Variants in TIMM8B observed in about 807,000 individuals in gnomAD.
The protein encoded by TIMM8B is translocase of inner mitochondrial membrane 8 homolog B.
In TIMM8B, 5 loss-of-function variants were observed where a neutral mutation model predicts 8.5. The ratio of observed to expected loss-of-function variants is 0.59; its 90% CI spans 0.31 to 1.24. The LOEUF (loss-of-function observed/expected upper bound fraction) is 1.24. Ranked by LOEUF, TIMM8B falls within the 50% of genes most tolerant of loss-of-function variation. The pLI, the probability that TIMM8B is intolerant of heterozygous loss-of-function variation, is 0.07. For missense variants in TIMM8B, 104 were observed against 109.2 expected (o/e 0.95, Z 0.21); for synonymous variants, 44 against 39.9 (o/e 1.10, Z -0.39).
intron 1 of TIMM8B, among the ~76,000 whole-genome samples, chr11:112,085,755 CATTTT>C (rs1228692452): frequency 1.3e-5 from 2 of 151,132 alleles, no homozygotes; most frequent in African/African-American, 4.9e-5. Context: ...CTATTGCACT[CATTTT>C]ATTCCAAACC....
At chr11:112,086,427 C>G (rs1269878029) in intron 1 of TIMM8B, 1 of 819,714 alleles carries the variant, frequency 1.2e-6, no homozygotes, top group African/African-American at 1.7e-5. Flanking sequence ...TGTTTTACAC[C>G]TTTTCTTTTC....
chr11:112,086,322 AGAGG>A, intron 1 of TIMM8B: 2 of 550,320 alleles, frequency 3.6e-6, no homozygotes, highest in Non-Finnish European at 6.9e-6. Flanking sequence ...TGCAAGGAGC[AGAGG>A]GAGGATGAGA....
rs759304721 is a variant in TIMM8B, at chr11:112,085,410, T to C, written c.137A>G (p.Asn46Ser). Residue 46 changes from asparagine to serine, a missense_variant, in exon 2 of 2, where the codon AAT (asparagine) becomes AGT (serine). Physicochemically the swap from Asn to Ser is conservative, Grantham distance 46. Coordinates refer to ENST00000504148, the MANE Select transcript of TIMM8B (RefSeq NM_012459.4). ...ATTTTCAGTGCGAGAGTCTAGGCGA[T>C]TCCCTGGCTTCTCCACACATTTATC... is the stretch of plus-strand genomic sequence containing the variant. The part of the protein sequence containing the change: ...CWDKCVEKPG[N>S]RLDSRTENCL... 1.2e-6 allele frequency: 2 copies of C among 1,614,096 alleles called. No homozygotes were observed. Among genetic ancestry groups the C allele is most frequent in the South Asian group, 1.1e-5 (1 of 91,076 alleles).
chr11:112,086,744 C>T lies in TIMM8B; in HGVS notation c.-21G>A, dbSNP rs1476307959. 2.5e-6 allele frequency: 4 copies of T among 1,601,274 alleles called. No homozygotes were observed. Among genetic ancestry groups the T allele is most frequent in the South Asian group, 1.1e-5 (1 of 89,576 alleles). ...GCCATTGTTCGCCTCAGGCTCGCCA[C>T]CTTCCGACAGCTGTGTTTGCGCATG... On this transcript the variant is annotated 5_prime_UTR_variant, in exon 1 of 2. The change creates a new upstream start codon in the 5' untranslated region. Coordinates refer to ENST00000504148, the MANE Select transcript of TIMM8B (RefSeq NM_012459.4).
At position 112,086,155 on chromosome 11, in the gene TIMM8B, C is replaced by A. The variant is rs537343000; in HGVS notation, c.84+485G>T. On this transcript the variant is annotated intron_variant, in intron 1 of 1. Coordinates refer to ENST00000504148, the MANE Select transcript of TIMM8B (RefSeq NM_012459.4). ...CAAACCCTTGTTCTACATCCATAGT[C>A]TACAGCGACTACTTCAGAGTCCACC... The A allele has an allele frequency of 6.1e-5, 44 of 718,788 alleles. No individual in the cohort carries two copies. In the African/African-American group the frequency reaches 6.9e-4, roughly 11 times the overall value. The allele number at this position is 718,788 out of a possible 1,614,324, so 44.5% of individuals were successfully genotyped here. A position where few individuals can be genotyped will look rare whatever the true frequency, so the allele number is the denominator to read the frequency against.
intron 1 of TIMM8B, among the ~76,000 whole-genome samples, chr11:112,085,712 G>C (rs955628386): frequency 6.6e-6 from 1 of 152,160 alleles, no homozygotes; most frequent in Non-Finnish European, 1.5e-5. Flanking sequence ...GCACCATTGT[G>C]AACCAACTAG....
chr11:112,086,187 C>T (rs1379787979), intron 1 of TIMM8B: 1 of 545,052 alleles, frequency 1.8e-6, no homozygotes, highest in African/African-American at 1.9e-5. Context: ...CACCTTCCTC[C>T]GATAATGTTC....
At chr11:112,086,507 G>T in intron 1 of TIMM8B, 133 bp downstream of exon 1, 1 of 1,344,348 alleles carries the variant, frequency 7.4e-7, no homozygotes, top group Non-Finnish European at 1.0e-6. Flanking sequence ...CCATAACTTT[G>T]TCTTTCGTGA....
chr11:112,085,369 C>T lies in TIMM8B; in HGVS notation c.178G>A (p.Val60Ile). The change falls in exon 2 of 2, where the codon GTA (valine) becomes ATA (isoleucine). Residue 60 changes from valine (V) to isoleucine (I), a missense_variant. Physicochemically the swap from Val to Ile is conservative, Grantham distance 29 (BLOSUM62 3). Transcript: ENST00000504148. ...SRTENCLSSC[V>I]DRFIDTTLAI... ...AGAGTGGTGTCAATGAAGCGGTCTA[C>T]ACAGCTGGAGAGACAATTTTCAGTG... 5 of 1,613,840 alleles carry T rather than the reference C, an allele frequency of 3.1e-6. No homozygotes were observed. The highest frequency in any genetic ancestry group is 4.2e-6 in the Non-Finnish European group (5 of 1,180,024).
At chr11:112,085,586 GCTCTT>G (rs1407482825) in intron 1 of TIMM8B, 124 bp from the exon 2 acceptor site, 2 of 755,266 alleles carry the variant, frequency 2.6e-6, no homozygotes, top group Non-Finnish European at 4.1e-6. Context: ...GTCACTTTGG[GCTCTT>G]CTCTTTCTTC....
intron 1 of TIMM8B, chr11:112,086,189 A>T: frequency 1.8e-6 from 1 of 543,946 alleles, no homozygotes; most frequent in South Asian, 1.5e-5. Context: ...CCTTCCTCCG[A>T]TAATGTTCTA....
chr11:112,085,462 C>G lies in TIMM8B; in HGVS notation c.85G>C (p.Val29Leu). The change falls in exon 2 of 2, where the codon GTG becomes CTG. Residue 29 changes from valine to leucine, a missense_variant and splice_region_variant. Coordinates refer to ENST00000504148, the MANE Select transcript of TIMM8B (RefSeq NM_012459.4). ...CAACATAACTCCATGAAGTGATGCACCTAAAAGGAAAGAAAAATAGTAACC... is the reference window on the plus strand; with the variant it reads ...CAACATAACTCCATGAAGTGATGCAGCTAAAAGGAAAGAAAAATAGTAACC... Reference protein sequence around the residue: ...EQQKAQFTAQVHHFMELCWDK... With the variant: ...EQQKAQFTAQLHHFMELCWDK... 3 of 1,610,880 alleles carry G rather than the reference C, an allele frequency of 1.9e-6. No individual in the cohort carries two copies. The highest frequency in any genetic ancestry group is 2.5e-6 in the Non-Finnish European group (3 of 1,178,110).
chr11:112,085,289 G>C lies in TIMM8B; in HGVS notation c.*6C>G, dbSNP rs1171494993. ...CTTTGCTTCTGTCATTCTCCTGGGGGATGGCCTACTGCCCTCCTTTCTGTA... is the reference window on the plus strand; with the variant it reads ...CTTTGCTTCTGTCATTCTCCTGGGGCATGGCCTACTGCCCTCCTTTCTGTA... On this transcript the variant is annotated 3_prime_UTR_variant, in exon 2 of 2. Coordinates refer to ENST00000504148, the MANE Select transcript of TIMM8B (RefSeq NM_012459.4). 1 of 1,606,384 alleles carries C rather than the reference G, an allele frequency of 6.2e-7. No homozygotes were observed. Among genetic ancestry groups the C allele is most frequent in the Non-Finnish European group, 8.5e-7 (1 of 1,176,138 alleles).
Position 112,086,737 on chromosome 11 carries a change from C to G in TIMM8B, c.-14G>C, listed in dbSNP as rs371410717. 2 of 1,601,682 alleles carry G rather than the reference C, an allele frequency of 1.2e-6. No individual in the cohort carries two copies. Among genetic ancestry groups the G allele is most frequent in the Middle Eastern group, 1.6e-4 (1 of 6,076 alleles). ...CAGCTCCGCCATTGTTCGCCTCAGG[C>G]TCGCCACCTTCCGACAGCTGTGTTT... On this transcript the variant is annotated 5_prime_UTR_variant, in exon 1 of 2. Transcript: ENST00000504148.
intron 1 of TIMM8B, 103 bp downstream of exon 1, chr11:112,086,537 G>C: frequency 6.9e-7 from 1 of 1,453,550 alleles, no homozygotes; most frequent in Non-Finnish European, 9.1e-7. Context: ...GATGCAGCCG[G>C]GATCGAGCAC....
At position 112,085,135 on chromosome 11, in the gene TIMM8B, A is replaced by T. The variant is rs904972407; in HGVS notation, c.*160T>A. Reference sequence around the variant, plus strand: ...GGAATTTCTGAATTCCAAATAAATAAATTTCACTCTTTGAACATTTCATCT... The same window carrying T: ...GGAATTTCTGAATTCCAAATAAATATATTTCACTCTTTGAACATTTCATCT... On this transcript the variant is annotated 3_prime_UTR_variant, in exon 2 of 2. Coordinates refer to ENST00000504148, the MANE Select transcript of TIMM8B (RefSeq NM_012459.4). The T allele has an allele frequency of 2.2e-5, 11 of 501,562 alleles. No individual in the cohort carries two copies. Among genetic ancestry groups the T allele is most frequent in the Non-Finnish European group, 3.0e-5 (9 of 298,700 alleles). 31.1% of individuals were successfully genotyped at this position (501,562 alleles called of 1,614,324 possible).
Position 112,086,520 on chromosome 11 carries a change from G to A in TIMM8B, c.84+120C>T, listed in dbSNP as rs1865602272. 5.7e-6 allele frequency: 8 copies of A among 1,405,920 alleles called. No individual in the cohort carries two copies. The African/African-American group carries it at 8.6e-5, about 15-fold the overall frequency. The allele number at this position is 1,405,920 out of a possible 1,614,324, so 87.1% of individuals were successfully genotyped here. On this transcript the variant is annotated intron_variant, in intron 1 of 1. Transcript: ENST00000504148. Reference sequence around the variant, plus strand: ...AGCCATAACTTTGTCTTTCGTGAGGGGAATGGGATGCAGCCGGGATCGAGC... The same window carrying A: ...AGCCATAACTTTGTCTTTCGTGAGGAGAATGGGATGCAGCCGGGATCGAGC...
At chr11:112,086,496 G>T in intron 1 of TIMM8B, 144 bp downstream of exon 1, 1 of 1,239,116 alleles carries the variant, frequency 8.1e-7, no homozygotes, top group Non-Finnish European at 1.1e-6. Context: ...GGACAGGAGA[G>T]CCATAACTTT....
At position 112,084,963 on chromosome 11, in the gene TIMM8B, C is replaced by G. The variant is rs1209783246; in HGVS notation, c.*332G>C. 1 of 191,916 alleles carries G rather than the reference C, an allele frequency of 5.2e-6. No individual in the cohort carries two copies. The highest frequency in any genetic ancestry group is 1.1e-5 in the Non-Finnish European group (1 of 93,866). 11.9% of individuals were successfully genotyped at this position (191,916 alleles called of 1,614,324 possible). A position where few individuals can be genotyped will look rare whatever the true frequency, so the allele number is the denominator to read the frequency against. ...ATGGCTTAGGGTGGTTTTTCAAAAC[C>G]TACAATCCCCCATTTGCACTACTGG... On this transcript the variant is annotated 3_prime_UTR_variant, in exon 2 of 2. Transcript: ENST00000504148.
Sources: gnomAD v4.1 joint callset for allele counts (sites outside exome capture counted in the v4.1 genomes callset) on GRCh38, gnomAD v4.1.1 for gene constraint, MANE v1.5 for transcripts, NCBI Gene and HGNC (gene_info 2026-07-23, HGNC 2026-07-21) for gene names.